CHST11: variants seen among roughly 807,000 people sequenced by gnomAD.
CHST11 encodes carbohydrate sulfotransferase 11, also known as C4S-1.
CHST11 carries 9 observed loss-of-function variants against 30.4 expected under a neutral mutation model. The observed-to-expected ratio is 0.30, with a 90% CI of 0.18 to 0.52. The LOEUF is 0.52. Among genes scored for constraint, CHST11 ranks in the 20% least tolerant of loss-of-function variants. CHST11 has a pLI of 0.97. For synonymous variants in CHST11, 152 were observed against 187.8 expected, an observed-to-expected ratio of 0.81 and a Z score of 1.56; for missense variants, 348 against 460.6, an observed-to-expected ratio of 0.76 and a Z score of 2.24.
intron 2 of CHST11, among the ~76,000 whole-genome samples, chr12:104,603,233 A>T (rs1170178520): frequency 6.6e-6 from 1 of 152,224 alleles, no homozygotes; most frequent in Non-Finnish European, 1.5e-5. Flanking sequence ...CTGTGCTTCA[A>T]CAAAGGATAG....
intron 2 of CHST11, among the ~76,000 whole-genome samples, chr12:104,747,072 G>A (rs536995741): frequency 2.4e-4 from 36 of 152,318 alleles, no homozygotes; most frequent in Admixed American, 6.5e-4. Context: ...AGTCCCACCC[G>A]GGCAGCCTCA....
intron 1 of CHST11, among the ~76,000 whole-genome samples, chr12:104,588,411 T>C (rs528001744): frequency 6.4e-4 from 98 of 152,312 alleles, no homozygotes; most frequent in Middle Eastern, 3.4e-3. Flanking sequence ...AAGCCACTTT[T>C]CGGGTTACAG....
chr12:104,728,979 T>G (rs898254940), intron 2 of CHST11, among the ~76,000 whole-genome samples: 7 of 152,336 alleles, frequency 4.6e-5, no homozygotes, highest in Middle Eastern at 3.4e-3. Flanking sequence ...TAATACCAAT[T>G]AAAACATACC....
intron 2 of CHST11, among the ~76,000 whole-genome samples, chr12:104,619,131 C>T (rs1354982382): frequency 2.0e-5 from 3 of 152,224 alleles, no homozygotes; most frequent in African/African-American, 7.2e-5. Flanking sequence ...AGCCCCCATC[C>T]TAGCAGGCAG....
At chr12:104,749,424 A>G (rs2040413277) in intron 2 of CHST11, among the ~76,000 whole-genome samples, 2 of 152,170 alleles carry the variant, frequency 1.3e-5, no homozygotes, top group East Asian at 3.8e-4. Flanking sequence ...CATACTGCAC[A>G]TATGTCCTTT....
chr12:104,464,603 A>G (rs910284318), intron 1 of CHST11, among the ~76,000 whole-genome samples: 35 of 152,252 alleles, frequency 2.3e-4, no homozygotes, highest in Middle Eastern at 6.8e-3. Flanking sequence ...TCCTGGGCTC[A>G]AGGGATCCTC....
At chr12:104,689,266 G>A (rs1053010503) in intron 2 of CHST11, among the ~76,000 whole-genome samples, 2 of 152,198 alleles carry the variant, frequency 1.3e-5, no homozygotes, top group Non-Finnish European at 2.9e-5. Context: ...AAACCTCAGG[G>A]CCATAAATCG....
intron 2 of CHST11, among the ~76,000 whole-genome samples, chr12:104,621,449 T>A (rs1024442621): frequency 4.6e-5 from 7 of 152,202 alleles, no homozygotes; most frequent in African/African-American, 1.7e-4. Context: ...GCAATAAGAA[T>A]ATGTTACCTT....
At chr12:104,591,965 A>G (rs1011355990) in intron 1 of CHST11, among the ~76,000 whole-genome samples, 6 of 151,772 alleles carry the variant, frequency 4.0e-5, no homozygotes, top group African/African-American at 1.5e-4. Context: ...TTTAGCTGCA[A>G]CTCGGCCTAT....
chr12:104,702,354 G>A (rs1267174184), intron 2 of CHST11, among the ~76,000 whole-genome samples: 1 of 152,240 alleles, frequency 6.6e-6, no homozygotes, highest in East Asian at 1.9e-4. Flanking sequence ...AGACTGCACA[G>A]CAGCTCTAAT....
intron 2 of CHST11, among the ~76,000 whole-genome samples, chr12:104,695,912 AT>A (rs1163305290): frequency 6.6e-6 from 1 of 152,132 alleles, no homozygotes; most frequent in African/African-American, 2.4e-5. Flanking sequence ...GAATAACGTT[AT>A]TGGAGGTGTC....
chr12:104,625,249 T>C (rs934098656), intron 2 of CHST11, among the ~76,000 whole-genome samples: 1 of 152,194 alleles, frequency 6.6e-6, no homozygotes, highest in African/African-American at 2.4e-5. Flanking sequence ...CAGTAACTTA[T>C]GTCCTTCTGT....
At chr12:104,629,649 C>T (rs2039253140) in intron 2 of CHST11, among the ~76,000 whole-genome samples, 1 of 152,110 alleles carries the variant, frequency 6.6e-6, no homozygotes, top group Non-Finnish European at 1.5e-5. Flanking sequence ...TGGTGAAATC[C>T]CATCTCTACT....
Position 104,655,129 on chromosome 12 carries a change from G to A in CHST11, c.204+53138G>A, listed in dbSNP as rs115432157. Among the ~76,000 whole-genome samples the A allele has an allele frequency of 3.2e-3, 482 of 152,358 alleles. 6 individuals carry two copies. The highest frequency in any genetic ancestry group is 0.01 in the African/African-American group (425 of 41,572). ...GTTGGTGAGGGCACATTCATGTCCA[G>A]TAATAGCTGATGGAAATGGCAGAGG... is the stretch of plus-strand genomic sequence containing the variant. On this transcript the variant is annotated intron_variant, in intron 2 of 2. Coordinates refer to ENST00000303694, the MANE Select transcript of CHST11 (RefSeq NM_018413.6).
chr12:104,593,209 G>A (rs1228333882), intron 1 of CHST11, among the ~76,000 whole-genome samples: 1 of 152,152 alleles, frequency 6.6e-6, no homozygotes, highest in African/African-American at 2.4e-5. Flanking sequence ...AGCTGGAGTA[G>A]GAGAGGCCAA....
At chr12:104,704,853 C>T (rs1390828359) in intron 2 of CHST11, among the ~76,000 whole-genome samples, 5 of 152,050 alleles carry the variant, frequency 3.3e-5, no homozygotes, top group Non-Finnish European at 5.9e-5. Context: ...CCCGCATCAT[C>T]CGGCCACCTT....
intron 1 of CHST11, among the ~76,000 whole-genome samples, chr12:104,582,486 C>T (rs996043958): frequency 3.3e-5 from 5 of 152,140 alleles, no homozygotes; most frequent in Non-Finnish European, 7.4e-5. Context: ...TACTGAGTTA[C>T]TTAAACCCCA....
chr12:104,476,938 A>G (rs1052353491), intron 1 of CHST11, among the ~76,000 whole-genome samples: 6 of 152,034 alleles, frequency 3.9e-5, no homozygotes, highest in Non-Finnish European at 8.8e-5. Context: ...TGTTGCATAC[A>G]TGCTTGCATG....
At chr12:104,706,936 C>G (rs1049784343) in intron 2 of CHST11, among the ~76,000 whole-genome samples, 1 of 152,098 alleles carries the variant, frequency 6.6e-6, no homozygotes, top group Non-Finnish European at 1.5e-5. Context: ...CAGCGAGGCT[C>G]TGAATTGAGG....
Sources: gnomAD v4.1 joint callset for allele counts (sites outside exome capture counted in the v4.1 genomes callset) on GRCh38, gnomAD v4.1.1 for gene constraint, MANE v1.5 for transcripts, NCBI Gene and HGNC (gene_info 2026-07-23, HGNC 2026-07-21) for gene names.